Variants in HTT observed in about 807,000 individuals in gnomAD.
HTT encodes huntingtin.
A neutral mutation model predicts 362.3 loss-of-function variants in HTT; 104 were observed. That is an observed-to-expected ratio of 0.29 (90% CI 0.24 to 0.34). The LOEUF is 0.34. Ranked by LOEUF, HTT falls within the 10% of genes least tolerant of loss-of-function variation. The probability of loss-of-function intolerance (pLI) is 1.00; values close to 1 mark genes in which losing one functional copy is unlikely to be tolerated. For synonymous variants in HTT, 1,577 were observed against 1,548.7 expected, an observed-to-expected ratio of 1.02 and a Z score of -0.43; for missense variants, 3,301 against 3,928.6, an observed-to-expected ratio of 0.84 and a Z score of 4.27.
intron 18 of HTT, among the ~76,000 whole-genome samples, 160 bp downstream of exon 18, chr4:3,133,071 T>C (rs1382841317): frequency 6.6e-6 from 1 of 152,180 alleles, no homozygotes; most frequent in Admixed American, 6.5e-5. Flanking sequence ...AAAGAAAACG[T>C]TGCCAGTAAA....
In HTT at chr4:3,105,394, G is replaced by A; in HGVS notation, c.566G>A (p.Arg189Lys). The change falls in exon 5 of 67, where the codon AGG becomes AAG. Residue 189 changes from arginine (R) to lysine (K), a missense_variant. Physicochemically the swap from Arg to Lys is conservative, Grantham distance 26. Around this residue, in one of 4 missense-constraint regions of HTT, gnomAD observed 2,316 missense variants for 2,658.5 expected, o/e 0.87. Coordinates refer to ENST00000355072, the MANE Select transcript of HTT (RefSeq NM_001388492.1). ...APRSLRAALW[R>K]FAELAHLVRP... ...CGGAGTTTGCGTGCTGCCCTGTGGA[G>A]GTTTGCTGAGCTGGCTCACCTGGTT... 1 of 1,614,122 alleles carries A rather than the reference G, an allele frequency of 6.2e-7. No individual in the cohort carries two copies. The highest frequency in any genetic ancestry group is 8.5e-7 in the Non-Finnish European group (1 of 1,179,956).
intron 27 of HTT, among the ~76,000 whole-genome samples, chr4:3,156,114 C>G (rs115270146): frequency 0.025 from 3,830 of 152,160 alleles, 64 homozygotes; most frequent in Middle Eastern, 0.048. Context: ...ATTTTGTATC[C>G]TTGACCAACA....
chr4:3,075,340 C>T (rs747547481), intron 1 of HTT, among the ~76,000 whole-genome samples: 2 of 152,250 alleles, frequency 1.3e-5, no homozygotes, highest in African/African-American at 4.8e-5. Context: ...TTGTTGGGGC[C>T]TGTCCTGAAT....
chr4:3,231,398 C>A (rs1247695760), intron 60 of HTT, among the ~76,000 whole-genome samples: 2 of 152,168 alleles, frequency 1.3e-5, no homozygotes, highest in Admixed American at 6.5e-5. Flanking sequence ...CCCGCACCCC[C>A]ACCTGACAAG....
chr4:3,123,738 TTATCA>T (rs1200700790), intron 10 of HTT, among the ~76,000 whole-genome samples: 2 of 152,216 alleles, frequency 1.3e-5, no homozygotes, highest in African/African-American at 4.8e-5. Context: ...TTGGACCTGG[TTATCA>T]TTTTTCAGCC....
chr4:3,151,039 AAAAAC>A (rs1008625253), intron 26 of HTT, among the ~76,000 whole-genome samples: 7 of 150,734 alleles, frequency 4.6e-5, no homozygotes, highest in African/African-American at 1.5e-4. Flanking sequence ...ACTCTGTCTC[AAAAAC>A]AAAACAAAAC....
chr4:3,221,686 A>G (rs1056110737), intron 53 of HTT, among the ~76,000 whole-genome samples: 2 of 152,196 alleles, frequency 1.3e-5, no homozygotes, highest in East Asian at 1.9e-4. Context: ...GCTGCCTCAG[A>G]CATCATGATG....
intron 2 of HTT, among the ~76,000 whole-genome samples, chr4:3,096,434 AC>A (rs1474331921): frequency 6.6e-6 from 1 of 152,262 alleles, no homozygotes; most frequent in Non-Finnish European, 1.5e-5. Flanking sequence ...TCAAGTGCTC[AC>A]AGAATGTTTG....
chr4:3,125,799 A>G (rs1715495748), intron 11 of HTT, among the ~76,000 whole-genome samples, 170 bp downstream of exon 11: 1 of 152,106 alleles, frequency 6.6e-6, no homozygotes, highest in Admixed American at 6.5e-5. Context: ...CTTACTCTGA[A>G]GCTTGTGTGT....
chr4:3,164,721 T>C, intron 29 of HTT, among the ~76,000 whole-genome samples: 1 of 152,228 alleles, frequency 6.6e-6, no homozygotes, highest in East Asian at 1.9e-4. Context: ...AAGTCTGTTT[T>C]ATCAGAGACT....
Position 3,146,813 on chromosome 4 carries a change from G to T in HTT, c.3160G>T (p.Ala1054Ser), listed in dbSNP as rs1343894239. The T allele has an allele frequency of 5.0e-6, 8 of 1,614,082 alleles. No homozygotes were observed. The highest frequency in any genetic ancestry group is 5.1e-6 in the Non-Finnish European group (6 of 1,179,928). The part of the protein sequence containing the change: ...GWHCGVPPLS[A>S]SDESRKSCTV... ...TGCTTCCAGAGTGCCTCCACTGAGT[G>T]CCTCAGATGAGTCTAGGAAGAGCTG... Residue 1054 changes from alanine (A) to serine (S), a missense_variant, in exon 25 of 67, where the codon GCC becomes TCC. Transcript: ENST00000355072.
intron 65 of HTT, 98 bp from the exon 66 acceptor site, chr4:3,238,720 A>C: frequency 7.0e-7 from 1 of 1,425,248 alleles, no homozygotes; most frequent in Non-Finnish European, 9.6e-7. Context: ...TTAAAGCAGC[A>C]ATGCCTCTGG....
intron 56 of HTT, 58 bp downstream of exon 56, chr4:3,224,189 CT>C: frequency 1.9e-6 from 3 of 1,569,394 alleles, no homozygotes; most frequent in Non-Finnish European, 1.8e-6. Flanking sequence ...TGAGAGAAGA[CT>C]GGCATGCTCA....
At chr4:3,088,299 GCTTCAGC>G (rs532351999) in intron 2 of HTT, among the ~76,000 whole-genome samples, 160 of 150,768 alleles carry the variant, frequency 1.1e-3, no homozygotes, top group African/African-American at 3.9e-3. Context: ...CCATTCTCCT[GCTTCAGC>G]CTGGCGAGTA....
intron 57 of HTT, 128 bp downstream of exon 57, chr4:3,225,871 A>G (rs532189737): frequency 3.1e-6 from 2 of 648,960 alleles, no homozygotes; most frequent in South Asian, 4.0e-5. Flanking sequence ...TTTTTAAAAA[A>G]AAATTTAATG....
At chr4:3,191,614 G>A (rs1331227254) in intron 40 of HTT, among the ~76,000 whole-genome samples, 1 of 152,184 alleles carries the variant, frequency 6.6e-6, no homozygotes, top group East Asian at 1.9e-4. Flanking sequence ...GCAAGTAGAT[G>A]GTAGAGATAG....
At chr4:3,172,478 G>A (rs1159991202) in intron 30 of HTT, 81 bp downstream of exon 30, 11 of 919,638 alleles carry the variant, frequency 1.2e-5, no homozygotes, top group Admixed American at 1.7e-5. Context: ...AGAGGCAGGC[G>A]CTGTTGGCAT....
At position 3,243,096 on chromosome 4, in the gene HTT, C is replaced by A. The variant is rs1721887255; in HGVS notation, c.*3037C>A. 1 of 152,648 alleles carries A rather than the reference C, an allele frequency of 6.6e-6. No homozygotes were observed. The highest frequency in any genetic ancestry group is 6.5e-5 in the Admixed American group (1 of 15,280). The allele number at this position is 152,648 out of a possible 1,614,324, so 9.5% of individuals were successfully genotyped here. A position where few individuals can be genotyped will look rare whatever the true frequency, so the allele number is the denominator to read the frequency against. ...TTTCAGAGCCCTCGGAGCCAATGAA[C>A]AGCTCCTCCTCTTGGAGCTGAGATG... On this transcript the variant is annotated 3_prime_UTR_variant, in exon 67 of 67. Coordinates refer to ENST00000355072, the MANE Select transcript of HTT (RefSeq NM_001388492.1).
Position 3,142,853 on chromosome 4 carries a change from T to C in HTT, c.3033T>C (p.His1011=). The C allele has an allele frequency of 6.2e-7, 1 of 1,612,416 alleles. No homozygotes were observed. Among genetic ancestry groups the C allele is most frequent in the Non-Finnish European group, 8.5e-7 (1 of 1,178,484 alleles). The change falls in exon 23 of 67, where the codon CAT becomes CAC. Residue 1011 remains histidine (H), a synonymous_variant. Transcript: ENST00000355072. ...NLSRVIAAVS[H]ELITSTTRAL... is the part of the protein sequence containing the mutation. ...CAAGAGTTATTGCAGCAGTTTCTCA[T>C]GAACTAATCACATCAACCACCAGAG... is the stretch of plus-strand genomic sequence containing the variant.
Sources: gnomAD v4.1 joint callset for allele counts (sites outside exome capture counted in the v4.1 genomes callset) on GRCh38, gnomAD v4.1.1 for gene constraint, gnomAD v4.1.1 regional missense constraint, MANE v1.5 for transcripts, NCBI Gene and HGNC (gene_info 2026-07-23, HGNC 2026-07-21) for gene names.